The following ANKMY1 variants were observed in gnomAD, a reference collection of about 807,000 sequenced individuals.
ANKMY1 encodes the protein ankyrin repeat and MYND domain containing 1.
A neutral mutation model predicts 102.0 loss-of-function variants in ANKMY1; 98 were observed. That is an observed-to-expected ratio of 0.96 (90% confidence interval 0.82 to 1.14). The LOEUF is 1.14. Among genes scored for constraint, ANKMY1 ranks in the 50% most tolerant of loss-of-function variants. ANKMY1 has a pLI of 0.00. For missense variants in ANKMY1, 1,330 were observed against 1,347.6 expected (o/e 0.99, Z 0.20); for synonymous variants, 582 against 559.9 (o/e 1.04, Z -0.56).
chr2:240,535,007 A>C (rs902901873), intron 4 of ANKMY1, among the ~76,000 whole-genome samples: 5 of 152,206 alleles, frequency 3.3e-5, no homozygotes, highest in African/African-American at 1.2e-4. Context: ...GCTGAGGCAA[A>C]GGATTGCTTG....
chr2:240,560,251 G>T (rs943054476), upstream of ANKMY1: 1 of 158,566 alleles, frequency 6.3e-6, no homozygotes, highest in Admixed American at 6.5e-5. Flanking sequence ...GGGTAGCCAC[G>T]GGGCCCTAGC....
intron 5 of ANKMY1, chr2:240,527,754 T>C (rs1334815872): frequency 1.3e-5 from 2 of 152,226 alleles, no homozygotes; most frequent in African/African-American, 4.8e-5. Flanking sequence ...GCTGGATGGG[T>C]AGATGAATAG....
intron 4 of ANKMY1, among the ~76,000 whole-genome samples, chr2:240,545,109 G>T (rs2090036800): frequency 8.9e-6 from 1 of 112,862 alleles, no homozygotes; most frequent in South Asian, 3.6e-4. Flanking sequence ...AAATGTCCCT[G>T]TCTGACAGCT....
At chr2:240,544,543 C>A (rs553900006) in intron 4 of ANKMY1, among the ~76,000 whole-genome samples, 170 of 152,240 alleles carry the variant, frequency 1.1e-3, no homozygotes, top group African/African-American at 3.8e-3. Context: ...GTCTACAGCT[C>A]CGAGCATAAG....
intron 15 of ANKMY1, among the ~76,000 whole-genome samples, chr2:240,496,608 C>T (rs2077301862): frequency 6.6e-6 from 1 of 152,176 alleles, no homozygotes; most frequent in Non-Finnish European, 1.5e-5. Flanking sequence ...CATTTCTCCC[C>T]TGCATTATAA....
intron 15 of ANKMY1, among the ~76,000 whole-genome samples, chr2:240,490,285 A>T (rs2076496560): frequency 6.6e-6 from 1 of 151,754 alleles, no homozygotes; most frequent in Non-Finnish European, 1.5e-5. Flanking sequence ...TTCTGCTCTG[A>T]TCTTTATCTA....
chr2:240,483,863 G>A (rs1405084175), intron 15 of ANKMY1, among the ~76,000 whole-genome samples: 2 of 152,090 alleles, frequency 1.3e-5, no homozygotes, highest in African/African-American at 4.8e-5. Context: ...AGGTCCCAGT[G>A]TGTGATTTTC....
intron 4 of ANKMY1, among the ~76,000 whole-genome samples, chr2:240,549,708 C>T (rs1455836769): frequency 6.6e-6 from 1 of 152,178 alleles, no homozygotes; most frequent in Admixed American, 6.5e-5. Context: ...GGGTGAAGGA[C>T]ATGAACAGAC....
chr2:240,536,535 G>A (rs904966815), intron 4 of ANKMY1, among the ~76,000 whole-genome samples: 3 of 152,172 alleles, frequency 2.0e-5, no homozygotes, highest in Non-Finnish European at 4.4e-5. Context: ...TAAAACTAAA[G>A]TAACAGTGAC....
At chr2:240,538,381 G>T (rs1335288235) in intron 4 of ANKMY1, among the ~76,000 whole-genome samples, 3 of 152,202 alleles carry the variant, frequency 2.0e-5, no homozygotes, top group Non-Finnish European at 4.4e-5. Context: ...AGAGCCACCA[G>T]CCGGTGCCAC....
intron 13 of ANKMY1, among the ~76,000 whole-genome samples, chr2:240,507,285 C>T (rs903798825): frequency 2.0e-5 from 3 of 152,006 alleles, no homozygotes; most frequent in Admixed American, 1.3e-4. Flanking sequence ...ACCCCACCCC[C>T]AGACCCCACA....
chr2:240,480,066 C>T (rs548398472), intron 17 of ANKMY1, among the ~76,000 whole-genome samples: 1 of 152,302 alleles, frequency 6.6e-6, no homozygotes, highest in African/African-American at 2.4e-5. Context: ...AAAAAATTAG[C>T]CTGTAATCCC....
At position 240,504,665 on chromosome 2, in the gene ANKMY1, A is replaced by G. The variant is rs142447093; in HGVS notation, c.2526+2895T>C. Among the ~76,000 whole-genome samples the G allele has an allele frequency of 6.4e-4, 97 of 152,318 alleles. 1 individual carries two copies. In the East Asian group the frequency reaches 0.017, roughly 27 times the overall value. On this transcript the variant is annotated intron_variant, in intron 13 of 17. Coordinates refer to ENST00000401804, the MANE Select transcript of ANKMY1 (RefSeq NM_001282771.3). ...ATAGAAATGGCCAATAAGCACATGA[A>G]AAGATGTCCAACATCACTAATCATT... is the stretch of plus-strand genomic sequence containing the variant.
At chr2:240,536,393 C>A (rs775821655) in intron 4 of ANKMY1, among the ~76,000 whole-genome samples, 1 of 152,078 alleles carries the variant, frequency 6.6e-6, no homozygotes, top group Non-Finnish European at 1.5e-5. Flanking sequence ...AAATTGACAC[C>A]TCCCTGGCAA....
At chr2:240,543,201 A>T (rs2089444457) in intron 4 of ANKMY1, among the ~76,000 whole-genome samples, 1 of 151,828 alleles carries the variant, frequency 6.6e-6, no homozygotes, top group African/African-American at 2.4e-5. Flanking sequence ...TGCAAAAAAA[A>T]AATTAGCCGG....
Position 240,529,013 on chromosome 2 carries a change from G to C in ANKMY1, c.953+24C>G, listed in dbSNP as rs772359592. The C allele has an allele frequency of 2.5e-5, 41 of 1,608,452 alleles. No homozygotes were observed. The highest frequency in any genetic ancestry group is 3.4e-5 in the Non-Finnish European group (40 of 1,175,432). ...GCCTGCACAGTGCACGGCCCTAGGG[G>C]AGGAGCAGTAGCAGACTAGTCACCT... is the stretch of plus-strand genomic sequence containing the variant. On this transcript the variant is annotated intron_variant, in intron 5 of 17. Coordinates refer to ENST00000401804, the MANE Select transcript of ANKMY1 (RefSeq NM_001282771.3). This position sits in a 1 kb window ranked among gnomAD's most constrained non-coding sequence, Gnocchi z 4.2.
chr2:240,560,514 C>G (rs1441623771), upstream of ANKMY1: 20 of 1,058,566 alleles, frequency 1.9e-5, no homozygotes, highest in East Asian at 6.6e-4. Context: ...CCCCCTGTCC[C>G]GGCCCAGCGC....
chr2:240,499,850 GGCCCC>G lies in ANKMY1; in HGVS notation c.2806+103_2806+107del. The stretch of plus-strand genomic sequence containing the variant: ...AAGCCGACGAGCCCAGCCCCAGGAA[GGCCCC>G]TCCAAGAGCCCCAGGGGGTCCAGAT... On this transcript the variant is annotated intron_variant, in intron 15 of 17. Coordinates refer to ENST00000401804, the MANE Select transcript of ANKMY1 (RefSeq NM_001282771.3). This position sits in a 1 kb window ranked among gnomAD's most constrained non-coding sequence, Gnocchi z 4.2. The G allele has an allele frequency of 1.5e-6, 2 of 1,368,308 alleles. No individual in the cohort carries two copies. The highest frequency in any genetic ancestry group is 3.1e-5 in the South Asian group (2 of 64,718). The allele number at this position is 1,368,308 out of a possible 1,614,324, so 84.8% of individuals were successfully genotyped here.
chr2:240,509,651 T>A lies in ANKMY1; in HGVS notation c.2287-196A>T, dbSNP rs185331358. ...ATAGGTGAATGGGTTGGGAGGTGGA[T>A]GGATCTTCAAATGGAGAAGATATTT... On this transcript the variant is annotated intron_variant, in intron 11 of 17. Transcript: ENST00000401804. Among the ~76,000 whole-genome samples, 5 of 152,322 alleles carry A rather than the reference T, an allele frequency of 3.3e-5. No homozygotes were observed. The East Asian group carries it at 9.6e-4, about 29-fold the overall frequency.
Sources: allele counts gnomAD v4.1 joint callset (sites outside exome capture counted in the v4.1 genomes callset), GRCh38; gene constraint gnomAD v4.1.1; non-coding constraint Gnocchi (gnomAD v3.1); transcripts MANE v1.5; gene names NCBI Gene and HGNC (gene_info 2026-07-23, HGNC 2026-07-21).